Variants in RAB10 observed in about 807,000 individuals in gnomAD.
RAB10 encodes ras-related protein Rab-10.
Under a neutral mutation model 25.7 loss-of-function variants are expected in RAB10, and 5 were observed. The ratio of observed to expected loss-of-function variants is 0.19; its 90% confidence interval spans 0.10 to 0.41. The LOEUF (loss-of-function observed/expected upper bound fraction) is 0.41, where lower values mean the gene tolerates loss of function less well. Among genes scored for constraint, RAB10 ranks in the 10% least tolerant of loss-of-function variants. The pLI, the probability that RAB10 is intolerant of heterozygous loss-of-function variation, is 1.00. For missense variants in RAB10, 103 were observed against 245.8 expected (o/e 0.42, Z 3.89); for synonymous variants, 89 against 86.4 (o/e 1.03, Z -0.16).
chr2:26,064,030 G>A (rs544874745), intron 1 of RAB10, among the ~76,000 whole-genome samples: 2 of 152,280 alleles, frequency 1.3e-5, no homozygotes, highest in South Asian at 4.1e-4. Flanking sequence ...TCGAACTCCT[G>A]ACCACAGCTG....
intron 3 of RAB10, among the ~76,000 whole-genome samples, chr2:26,125,705 C>T (rs1189025417): frequency 6.6e-6 from 1 of 151,944 alleles, no homozygotes; most frequent in East Asian, 1.9e-4. Context: ...CTGACAGCCT[C>T]CCAAAGTGCT....
intron 3 of RAB10, among the ~76,000 whole-genome samples, chr2:26,110,955 C>G (rs1265618609): frequency 1.3e-5 from 2 of 152,178 alleles, no homozygotes; most frequent in Non-Finnish European, 2.9e-5. Context: ...ATCTGCCCAC[C>G]TTGGCCTCCT....
intron 1 of RAB10, among the ~76,000 whole-genome samples, chr2:26,052,491 T>TC (rs1559579208): frequency 1.7e-5 from 2 of 119,736 alleles, no homozygotes; most frequent in South Asian, 2.6e-4. Flanking sequence ...TTTTTTTTTT[T>TC]CACTGAGAGA....
At chr2:26,128,903 C>G (rs1396482123) in intron 5 of RAB10, among the ~76,000 whole-genome samples, 1 of 152,078 alleles carries the variant, frequency 6.6e-6, no homozygotes, top group African/African-American at 2.4e-5. Flanking sequence ...AGGTATAATG[C>G]ATGGATTTGG....
At chr2:26,114,611 T>G (rs1007200488) in intron 3 of RAB10, among the ~76,000 whole-genome samples, 1 of 151,800 alleles carries the variant, frequency 6.6e-6, no homozygotes, top group African/African-American at 2.4e-5. Context: ...ACCACAAAGG[T>G]TGGGTATGGT....
chr2:26,098,110 T>TTTTTTTTTTTTTTTTTTTTTTTTC, intron 1 of RAB10, among the ~76,000 whole-genome samples: 1 of 3,056 alleles, frequency 3.3e-4, no homozygotes, highest in Non-Finnish European at 9.5e-4. Flanking sequence ...TCTTTCTTTC[T>TTTTTTTTTTTTTTTTTTTTTTTTC]TTTTTTTTTT....
chr2:26,053,832 G>C lies in RAB10; in HGVS notation c.127+19097G>C, dbSNP rs577414420. ...CCTTCCGGGTTCAAGCGATTCTCCT[G>C]CCTCAGCCTCCTGAGTAGCTGGGAT... On this transcript the variant is annotated intron_variant, in intron 1 of 5. Transcript: ENST00000264710. Among the ~76,000 whole-genome samples the C allele has an allele frequency of 2.7e-5, 4 of 148,728 alleles. No homozygotes were observed. The South Asian group carries it at 8.6e-4, about 32-fold the overall frequency.
chr2:26,095,884 T>TA (rs1344303890), intron 1 of RAB10, among the ~76,000 whole-genome samples: 1 of 152,208 alleles, frequency 6.6e-6, no homozygotes, highest in Non-Finnish European at 1.5e-5. Context: ...CACTCCATCC[T>TA]GGGTGACAGA....
At chr2:26,100,353 A>G (rs1434269374) in intron 2 of RAB10, among the ~76,000 whole-genome samples, 1 of 152,218 alleles carries the variant, frequency 6.6e-6, no homozygotes, top group Non-Finnish European at 1.5e-5. Flanking sequence ...TTATTCCCTG[A>G]CAGTCTACTT....
At chr2:26,125,287 G>A (rs1667883160) in intron 3 of RAB10, among the ~76,000 whole-genome samples, 1 of 151,936 alleles carries the variant, frequency 6.6e-6, no homozygotes, top group African/African-American at 2.4e-5. Flanking sequence ...TTTAATAGTA[G>A]CCATACTAAT....
chr2:26,049,238 A>G (rs1360690888), intron 1 of RAB10, among the ~76,000 whole-genome samples: 2 of 139,794 alleles, frequency 1.4e-5, no homozygotes, highest in Non-Finnish European at 3.1e-5. Flanking sequence ...CTCCCGTACC[A>G]TTTATTTAAT....
chr2:26,113,039 T>C (rs140380385), intron 3 of RAB10, among the ~76,000 whole-genome samples: 1 of 151,796 alleles, frequency 6.6e-6, no homozygotes, highest in Non-Finnish European at 1.5e-5. Context: ...GAGCCAAGAT[T>C]GCACCACTGC....
intron 3 of RAB10, among the ~76,000 whole-genome samples, chr2:26,121,073 G>C (rs1039163390): frequency 6.6e-6 from 1 of 151,820 alleles, no homozygotes; most frequent in South Asian, 2.1e-4. Context: ...CGCCACACCC[G>C]GCTAATTTTA....
At chr2:26,128,365 A>G (rs1416708597) in intron 5 of RAB10, among the ~76,000 whole-genome samples, 1 of 152,174 alleles carries the variant, frequency 6.6e-6, no homozygotes, top group South Asian at 2.1e-4. Context: ...TTAACAGGCC[A>G]CGGACCGGTA....
intron 1 of RAB10, among the ~76,000 whole-genome samples, chr2:26,077,256 T>G (rs1204692649): frequency 6.6e-6 from 1 of 152,244 alleles, no homozygotes; most frequent in Non-Finnish European, 1.5e-5. Flanking sequence ...AATATAGATA[T>G]TAAAGGAAAT....
At chr2:26,102,092 C>T (rs1261800761) in intron 2 of RAB10, 1 of 152,386 alleles carries the variant, frequency 6.6e-6, no homozygotes, top group Non-Finnish European at 1.5e-5. Flanking sequence ...GTCTAGGGCC[C>T]CTAGTGCCTT....
At chr2:26,080,194 A>C (rs760884898) in intron 1 of RAB10, among the ~76,000 whole-genome samples, 3 of 152,212 alleles carry the variant, frequency 2.0e-5, no homozygotes, top group Non-Finnish European at 2.9e-5. Context: ...CAATAGAATA[A>C]AATATCTTTG....
Position 26,127,775 on chromosome 2 carries a change from T to C in RAB10, c.418-75T>C. Reference sequence around the variant, plus strand: ...ACCACTGCCTTCAGAATAAGATTAATATTTAAGCTGTTAAAGTCAGCAGTT... The same window carrying C: ...ACCACTGCCTTCAGAATAAGATTAACATTTAAGCTGTTAAAGTCAGCAGTT... On this transcript the variant is annotated intron_variant, in intron 4 of 5. Transcript: ENST00000264710. 3.0e-6 allele frequency: 3 copies of C among 1,004,892 alleles called. No individual in the cohort carries two copies. The South Asian group carries it at 4.0e-5, about 13-fold the overall frequency. The allele number at this position is 1,004,892 out of a possible 1,614,324, so 62.2% of individuals were successfully genotyped here.
Position 26,034,473 on chromosome 2 carries a change from C to A in RAB10, c.-136C>A. 1.6e-6 allele frequency: 2 copies of A among 1,220,638 alleles called. No homozygotes were observed. Among genetic ancestry groups the A allele is most frequent in the Middle Eastern group, 2.9e-4 (1 of 3,502 alleles). 75.6% of individuals were successfully genotyped at this position (1,220,638 alleles called of 1,614,324 possible). ...CTTCCTCAAAGCTGTTCGTAGGTCG[C>A]CCGCGCCGTCTCGAGCCTTTTTCCC... On this transcript the variant is annotated 5_prime_UTR_variant, in exon 1 of 6. Coordinates refer to ENST00000264710, the MANE Select transcript of RAB10 (RefSeq NM_016131.5).
Sources: allele counts gnomAD v4.1 joint callset (sites outside exome capture counted in the v4.1 genomes callset), GRCh38; gene constraint gnomAD v4.1.1; transcripts MANE v1.5; gene names NCBI Gene and HGNC (gene_info 2026-07-23, HGNC 2026-07-21).